ACCSL: variants seen among roughly 807,000 people sequenced by gnomAD.
The protein encoded by ACCSL is 1-aminocyclopropane-1-carboxylate synthase homolog (inactive) like.
A neutral mutation model predicts 61.7 loss-of-function variants in ACCSL; 55 were observed. The ratio of observed to expected loss-of-function variants is 0.89; its 90% CI spans 0.72 to 1.12. ACCSL has a LOEUF of 1.12. ACCSL is among the 50% of genes most tolerant of loss of function. The pLI is 0.00. For synonymous variants in ACCSL, 258 were observed against 264.3 expected, an observed-to-expected ratio of 0.98 and a Z score of 0.23; for missense variants, 632 against 698.0, an observed-to-expected ratio of 0.91 and a Z score of 1.07.
chr11:43,996,366 G>A, the ACCSL span, among the ~76,000 whole-genome samples: 17 of 152,150 alleles, frequency 1.1e-4, no homozygotes, highest in South Asian at 1.0e-3. Context: ...TCAGAGGGGC[G>A]TCAGTGGCTG....
chr11:43,995,694 G>T, the ACCSL span, among the ~76,000 whole-genome samples: 1 of 152,102 alleles, frequency 6.6e-6, no homozygotes, highest in Non-Finnish European at 1.5e-5. Flanking sequence ...AGGTGAGCTG[G>T]AAGGACCCCA....
chr11:43,967,167 C>CTTTTTTTTTTTTTTTTTTTTTTTTTT, the ACCSL span, among the ~76,000 whole-genome samples: 1 of 62,694 alleles, frequency 1.6e-5, no homozygotes, highest in Non-Finnish European at 2.7e-5. Context: ...TCTTCTTCTT[C>CTTTTTTTTTTTTTTTTTTTTTTTTTT]TTTTTTTTTT....
chr11:43,961,644 A>G, the ACCSL span, among the ~76,000 whole-genome samples: 1 of 151,948 alleles, frequency 6.6e-6, no homozygotes, highest in Admixed American at 6.5e-5. Context: ...TGGAATGCTT[A>G]CCTCTTTCTA....
chr11:43,935,761 G>A, the ACCSL span, among the ~76,000 whole-genome samples: 1 of 151,896 alleles, frequency 6.6e-6, no homozygotes, highest in Non-Finnish European at 1.5e-5. Flanking sequence ...CTGAGTAACT[G>A]GGACTGCAGA....
chr11:43,936,089 G>C, the ACCSL span, among the ~76,000 whole-genome samples: 1 of 152,198 alleles, frequency 6.6e-6, no homozygotes, highest in Non-Finnish European at 1.5e-5. Flanking sequence ...GCCTTTGGAG[G>C]AAAGAAAAAT....
the ACCSL span, among the ~76,000 whole-genome samples, chr11:44,001,457 T>G: frequency 6.6e-6 from 1 of 151,750 alleles, no homozygotes; most frequent in African/African-American, 2.4e-5. Flanking sequence ...AGGGCAGAAG[T>G]ATTACAATTA....
At chr11:44,042,999 C>G (rs1199031694), upstream of ACCSL, among the ~76,000 whole-genome samples, 1 of 151,654 alleles carries the variant, frequency 6.6e-6, no homozygotes, top group Non-Finnish European at 1.5e-5. Flanking sequence ...GGGAGGATTG[C>G]TTGAGCCTGG....
At chr11:44,035,936 TAAAAAAAAAA>T in the ACCSL span, among the ~76,000 whole-genome samples, 2 of 79,054 alleles carry the variant, frequency 2.5e-5, no homozygotes, top group African/African-American at 1.0e-4. Context: ...AGACTCTGTG[TAAAAAAAAAA>T]AAAAAAAAAA....
chr11:44,000,004 C>A, the ACCSL span, among the ~76,000 whole-genome samples: 1 of 152,188 alleles, frequency 6.6e-6, no homozygotes, highest in African/African-American at 2.4e-5. Context: ...AGGGGCCAAG[C>A]ACGGTGTATC....
the ACCSL span, among the ~76,000 whole-genome samples, chr11:43,925,812 T>C: frequency 2.0e-5 from 3 of 152,124 alleles, no homozygotes; most frequent in South Asian, 6.2e-4. Context: ...GCCTGTTTCC[T>C]CCACCGTGAA....
At chr11:43,925,411 G>A in the ACCSL span, 13 of 456,060 alleles carry the variant, frequency 2.9e-5, no homozygotes, top group Admixed American at 9.4e-5. Context: ...GGTATTGATC[G>A]TCTCCACGCT....
chr11:44,035,585 A>G, the ACCSL span, among the ~76,000 whole-genome samples: 1 of 152,140 alleles, frequency 6.6e-6, no homozygotes. Context: ...CAAGATCTTC[A>G]CAGTCTGGGT....
chr11:43,933,902 C>T, the ACCSL span, among the ~76,000 whole-genome samples: 2 of 152,308 alleles, frequency 1.3e-5, no homozygotes, highest in South Asian at 4.1e-4. Flanking sequence ...GGGACCAGCC[C>T]TGCCATGGCA....
At chr11:43,979,466 G>A in the ACCSL span, among the ~76,000 whole-genome samples, 6 of 152,206 alleles carry the variant, frequency 3.9e-5, no homozygotes, top group Non-Finnish European at 7.3e-5. Flanking sequence ...TTACTACAAG[G>A]AAAAGAAGCC....
At chr11:44,042,436 A>G in the ACCSL span, among the ~76,000 whole-genome samples, 1 of 152,158 alleles carries the variant, frequency 6.6e-6, no homozygotes, top group Non-Finnish European at 1.5e-5. Flanking sequence ...AGAACTATTC[A>G]AAATAGTCTT....
the ACCSL span, among the ~76,000 whole-genome samples, chr11:44,033,592 G>A: frequency 6.6e-6 from 1 of 152,112 alleles, no homozygotes; most frequent in South Asian, 2.1e-4. Context: ...AGTTCTTAAA[G>A]GGGGCCCCTC....
At chr11:44,049,555 C>T (rs1391982120) in intron 1 of ACCSL, among the ~76,000 whole-genome samples, 1 of 152,062 alleles carries the variant, frequency 6.6e-6, no homozygotes, top group East Asian at 1.9e-4. Context: ...ATACCTTCCC[C>T]TTCTGTTCCT....
the ACCSL span, among the ~76,000 whole-genome samples, chr11:44,013,251 T>C: frequency 6.6e-6 from 1 of 152,238 alleles, no homozygotes; most frequent in Non-Finnish European, 1.5e-5. Flanking sequence ...AGGAAACTTA[T>C]GTATGTAAAA....
At chr11:43,947,481 G>A in the ACCSL span, among the ~76,000 whole-genome samples, 1 of 152,084 alleles carries the variant, frequency 6.6e-6, no homozygotes, top group African/African-American at 2.4e-5. Flanking sequence ...GCTGGGGCCG[G>A]CTGGGCTGGG....
Sources: allele counts gnomAD v4.1 joint callset (sites outside exome capture counted in the v4.1 genomes callset), GRCh38; gene constraint gnomAD v4.1.1; transcripts MANE v1.5; gene names NCBI Gene and HGNC (gene_info 2026-07-23, HGNC 2026-07-21).